Variants in NPM2 observed in about 807,000 individuals in gnomAD.
The protein encoded by NPM2 is nucleoplasmin-2.
A neutral mutation model predicts 32.0 loss-of-function variants in NPM2; 25 were observed. The ratio of observed to expected loss-of-function variants is 0.78; its 90% CI spans 0.57 to 1.09. The LOEUF (loss-of-function observed/expected upper bound fraction) is 1.09, where lower values mean the gene tolerates loss of function less well. Among genes scored for constraint, NPM2 ranks in the 50% least tolerant of loss-of-function variants. The pLI is 0.00. For synonymous variants in NPM2, 111 were observed against 94.2 expected (o/e 1.18, Z -1.04); for missense variants, 282 against 259.9 (o/e 1.08, Z -0.58).
At chr8:22,035,858 G>A (rs1800600617) in intron 8 of NPM2, among the ~76,000 whole-genome samples, 1 of 150,190 alleles carries the variant, frequency 6.7e-6, no homozygotes, top group East Asian at 2.0e-4. Flanking sequence ...ACTTAGACCC[G>A]GAATGCGAAG....
At chr8:22,028,741 C>A (rs1304834341) in intron 5 of NPM2, among the ~76,000 whole-genome samples, 1 of 152,140 alleles carries the variant, frequency 6.6e-6, no homozygotes. Context: ...TGGCCTGCTT[C>A]GAAGCCTTTG....
chr8:22,034,477 A>G, intron 7 of NPM2, 33 bp from the exon 8 acceptor site: 1 of 1,596,004 alleles, frequency 6.3e-7, no homozygotes, highest in Non-Finnish European at 8.6e-7. Flanking sequence ...ACTTTGTCTG[A>G]ACTCTCATAA....
At position 22,025,253 on chromosome 8, in the gene NPM2, A is replaced by G; in HGVS notation, c.5A>G (p.Asn2Ser). Residue 2 changes from asparagine (N) to serine (S), a missense_variant, in exon 3 of 10, where the codon AAT (asparagine) becomes AGT (serine). By Grantham distance (46) the Asn-to-Ser change is conservative. Coordinates refer to ENST00000518119, the MANE Select transcript of NPM2 (RefSeq NM_001286680.2). ...CCCGCTTCTCTGCCCGGAGCCATGA[A>G]TCTCAGTAGCGCCAGTAGCACGGAG... The part of the protein sequence containing the change: M[N>S]LSSASSTEEK... 1 of 1,611,594 alleles carries G rather than the reference A, an allele frequency of 6.2e-7. No individual in the cohort carries two copies. The highest frequency in any genetic ancestry group is 8.5e-7 in the Non-Finnish European group (1 of 1,179,330).
chr8:22,034,066 G>A (rs1800531208), intron 6 of NPM2, 43 bp from the exon 7 acceptor site: 3 of 1,548,818 alleles, frequency 1.9e-6, no homozygotes, highest in Admixed American at 1.9e-5. Flanking sequence ...TGATTCTGTA[G>A]CTCTGAAGCT....
At chr8:22,033,889 A>T (rs1254099675) in intron 6 of NPM2, among the ~76,000 whole-genome samples, 1 of 152,060 alleles carries the variant, frequency 6.6e-6, no homozygotes, top group African/African-American at 2.4e-5. Context: ...AGCCCTCTGC[A>T]GGGCTTTCCT....
intron 5 of NPM2, among the ~76,000 whole-genome samples, chr8:22,030,736 T>C (rs1333415582): frequency 6.6e-6 from 1 of 151,936 alleles, no homozygotes; most frequent in Non-Finnish European, 1.5e-5. Flanking sequence ...CTGGAGTGCA[T>C]TGTTGCAATC....
At chr8:22,035,058 G>A (rs188709011) in intron 8 of NPM2, among the ~76,000 whole-genome samples, 83 of 152,256 alleles carry the variant, frequency 5.5e-4, no homozygotes, top group African/African-American at 1.8e-3. Context: ...AGCCGAGATC[G>A]TGCCACTGCG....
Position 22,025,265 on chromosome 8 carries a change from C to G in NPM2, c.17C>G (p.Ala6Gly). Reference sequence around the variant, plus strand: ...CCCGGAGCCATGAATCTCAGTAGCGCCAGTAGCACGGAGGAAAAGGCAGTG... The same window carrying G: ...CCCGGAGCCATGAATCTCAGTAGCGGCAGTAGCACGGAGGAAAAGGCAGTG... Reference protein sequence around the residue: MNLSSASSTEEKAVTT... With the variant: MNLSSGSSTEEKAVTT... The change falls in exon 3 of 10, where the codon GCC becomes GGC. Residue 6 changes from alanine to glycine, a missense_variant. Transcript: ENST00000518119. The G allele has an allele frequency of 6.2e-7, 1 of 1,611,684 alleles. No individual in the cohort carries two copies. Among genetic ancestry groups the G allele is most frequent in the Non-Finnish European group, 8.5e-7 (1 of 1,179,302 alleles).
chr8:22,036,724 C>T lies in NPM2; in HGVS notation c.*42C>T, dbSNP rs1563358701. The T allele has an allele frequency of 6.6e-7, 1 of 1,520,826 alleles. No individual in the cohort carries two copies. Among genetic ancestry groups the T allele is most frequent in the Non-Finnish European group, 8.8e-7 (1 of 1,135,586 alleles). 94.2% of individuals were successfully genotyped at this position (1,520,826 alleles called of 1,614,324 possible). On this transcript the variant is annotated 3_prime_UTR_variant, in exon 10 of 10. Coordinates refer to ENST00000518119, the MANE Select transcript of NPM2 (RefSeq NM_001286680.2). ...GGGCACGGTGCAAAGTGGGCCTTCC[C>T]TGGGCTGTGCTGCAGGCACAGGGTG...
chr8:22,029,379 G>T (rs1800360505), intron 5 of NPM2, among the ~76,000 whole-genome samples: 1 of 152,062 alleles, frequency 6.6e-6, no homozygotes, highest in Non-Finnish European at 1.5e-5. Flanking sequence ...CCTGAGCTCA[G>T]GTGATCCTCC....
At chr8:22,028,733 G>C (rs1318631214) in intron 5 of NPM2, among the ~76,000 whole-genome samples, 2 of 152,100 alleles carry the variant, frequency 1.3e-5, no homozygotes, top group East Asian at 1.9e-4. Context: ...GTGTATTATG[G>C]CCTGCTTCGA....
At chr8:22,031,736 G>A (rs149807644) in intron 5 of NPM2, among the ~76,000 whole-genome samples, 72 of 152,282 alleles carry the variant, frequency 4.7e-4, no homozygotes, top group African/African-American at 1.6e-3. Flanking sequence ...ATGAGCCACC[G>A]TGCGTGCTCG....
chr8:22,033,171 C>G lies in NPM2; in HGVS notation c.312C>G (p.Phe104Leu). Residue 104 changes from phenylalanine (F) to leucine (L), a missense_variant, in exon 6 of 10, where the codon TTC becomes TTG. Coordinates refer to ENST00000518119, the MANE Select transcript of NPM2 (RefSeq NM_001286680.2). ...VGVQLSPPVT[F>L]QLRAGSGPVF... The stretch of plus-strand genomic sequence containing the variant: ...TGCAGCTTTCTCCCCCAGTTACTTT[C>G]CAGCTCCGGGCTGGCTCAGGACCCG... 6.2e-7 allele frequency: 1 copy of G among 1,614,122 alleles called. No homozygotes were observed. Among genetic ancestry groups the G allele is most frequent in the Non-Finnish European group, 8.5e-7 (1 of 1,180,014 alleles).
chr8:22,031,143 G>A (rs1335648624), intron 5 of NPM2, among the ~76,000 whole-genome samples: 1 of 152,222 alleles, frequency 6.6e-6, no homozygotes, highest in Non-Finnish European at 1.5e-5. Context: ...AGTAAATTCA[G>A]ACCCCATAAG....
intron 5 of NPM2, among the ~76,000 whole-genome samples, chr8:22,027,996 TC>T (rs757653349): frequency 2.6e-5 from 4 of 152,146 alleles, no homozygotes; most frequent in Middle Eastern, 3.2e-3. Flanking sequence ...CCACATCTCA[TC>T]ATCTTCCCTG....
chr8:22,032,620 G>A (rs527249985), intron 5 of NPM2, among the ~76,000 whole-genome samples: 13 of 152,168 alleles, frequency 8.5e-5, no homozygotes, highest in African/African-American at 1.4e-4. Context: ...TCAGGGGGCC[G>A]GCATGGTTGG....
In NPM2 at chr8:22,036,749, G is replaced by A; in HGVS notation, c.*67G>A. 3 of 1,460,372 alleles carry A rather than the reference G, an allele frequency of 2.1e-6. No individual in the cohort carries two copies. The highest frequency in any genetic ancestry group is 1.8e-6 in the Non-Finnish European group (2 of 1,092,830). The allele number at this position is 1,460,372 out of a possible 1,614,324, so 90.5% of individuals were successfully genotyped here. ...CTGGGCTGTGCTGCAGGCACAGGGT[G>A]CCCCTGTCCAGCCCCTCCACCTGTG... On this transcript the variant is annotated 3_prime_UTR_variant, in exon 10 of 10. Coordinates refer to ENST00000518119, the MANE Select transcript of NPM2 (RefSeq NM_001286680.2).
chr8:22,036,523 A>G lies in NPM2; in HGVS notation c.597A>G (p.Lys199=), dbSNP rs749761015. The G allele has an allele frequency of 6.2e-7, 1 of 1,601,088 alleles. No individual in the cohort carries two copies. The highest frequency in any genetic ancestry group is 2.3e-5 in the East Asian group (1 of 44,008). The part of the protein sequence containing the change: ...RASVRDKSPV[K]KAKATARAKK... ...GCGTTAGAGACAAGAGCCCTGTGAA[A>G]AAGGTGAGTAGGACCAGAGGGCTTT... The change falls in exon 9 of 10, where the codon AAA becomes AAG. Residue 199 remains lysine (K), a synonymous_variant. Coordinates refer to ENST00000518119, the MANE Select transcript of NPM2 (RefSeq NM_001286680.2).
intron 8 of NPM2, 162 bp from the exon 9 acceptor site, chr8:22,036,331 C>T (rs566029438): frequency 3.6e-5 from 22 of 613,976 alleles, no homozygotes; most frequent in African/African-American, 3.5e-4. Context: ...TATGCATGCA[C>T]ACGCACACAC....
Sources: gnomAD v4.1 joint callset for allele counts (sites outside exome capture counted in the v4.1 genomes callset) on GRCh38, gnomAD v4.1.1 for gene constraint, MANE v1.5 for transcripts, NCBI Gene and HGNC (gene_info 2026-07-23, HGNC 2026-07-21) for gene names.